KDM4C: variants seen among roughly 807,000 people sequenced by gnomAD.
KDM4C encodes the protein lysine demethylase 4C.
A neutral mutation model predicts 129.3 loss-of-function variants in KDM4C; 81 were observed. That is an observed-to-expected ratio of 0.63 (90% CI 0.52 to 0.75). The LOEUF is 0.75. Ranked by LOEUF, KDM4C falls within the 30% of genes least tolerant of loss-of-function variation. The pLI, the probability that KDM4C is intolerant of heterozygous loss-of-function variation, is 0.00. For missense variants in KDM4C, 1,457 were observed against 1,304.0 expected (o/e 1.12, Z -1.81); for synonymous variants, 573 against 456.1 (o/e 1.26, Z -3.26).
chr9:7,109,115 T>G (rs1438132690), intron 18 of KDM4C, among the ~76,000 whole-genome samples: 1 of 152,176 alleles, frequency 6.6e-6, no homozygotes, highest in Admixed American at 6.5e-5. Flanking sequence ...ATAACAAAAC[T>G]TCCCCCTGGG....
intron 8 of KDM4C, among the ~76,000 whole-genome samples, chr9:6,954,164 G>C (rs1346055346): frequency 1.3e-5 from 2 of 152,086 alleles, no homozygotes; most frequent in Non-Finnish European, 2.9e-5. Context: ...TTCGTACACA[G>C]ATACATAGGA....
intron 1 of KDM4C, chr9:6,726,661 C>G (rs930805338): frequency 6.6e-6 from 1 of 152,272 alleles, no homozygotes; most frequent in African/African-American, 2.4e-5. Flanking sequence ...GGTTACCTCC[C>G]AAGGTGCCAT....
At chr9:7,085,680 A>AT (rs1443100151) in intron 17 of KDM4C, among the ~76,000 whole-genome samples, 2 of 151,632 alleles carry the variant, frequency 1.3e-5, no homozygotes, top group African/African-American at 4.9e-5. Flanking sequence ...ATTTTAATTT[A>AT]TTTTTTCTGT....
At chr9:7,051,766 G>T (rs1830181668) in intron 17 of KDM4C, among the ~76,000 whole-genome samples, 1 of 152,118 alleles carries the variant, frequency 6.6e-6, no homozygotes, top group African/African-American at 2.4e-5. Context: ...AAAATAATAA[G>T]AATTATTTAG....
In KDM4C at chr9:6,732,280, G is replaced by A. The variant is rs576951515; in HGVS notation, c.49+11283G>A. Among the ~76,000 whole-genome samples the A allele has an allele frequency of 8.3e-5, 12 of 145,184 alleles. No individual in the cohort carries two copies. In the East Asian group the frequency reaches 1.0e-3, roughly 12 times the overall value. On this transcript the variant is annotated intron_variant, in intron 1 of 17. Coordinates refer to the KDM4C transcript ENST00000536108. ...CTCGGGAGGCTGAGGCAGGAGAATCGCTGGAACCCGGGAAGCGGAGGTTGC... is the reference window on the plus strand; with the variant it reads ...CTCGGGAGGCTGAGGCAGGAGAATCACTGGAACCCGGGAAGCGGAGGTTGC...
At chr9:6,723,055 G>A (rs1017904422) in intron 1 of KDM4C, among the ~76,000 whole-genome samples, 1 of 152,122 alleles carries the variant, frequency 6.6e-6, no homozygotes, top group Non-Finnish European at 1.5e-5. Context: ...ATTTACAGTG[G>A]TAGGATTGAA....
chr9:6,810,910 C>G (rs576732316), intron 3 of KDM4C, among the ~76,000 whole-genome samples: 3 of 152,054 alleles, frequency 2.0e-5, no homozygotes, highest in Admixed American at 1.3e-4. Flanking sequence ...GTTAATTGGT[C>G]TTTTGATTTG....
chr9:6,926,355 A>AAAAAAAAAAAAAAAAAAAAAG (rs55919503), intron 8 of KDM4C, among the ~76,000 whole-genome samples: 1 of 148,736 alleles, frequency 6.7e-6, no homozygotes, highest in Non-Finnish European at 1.5e-5. Flanking sequence ...AAAAAAAAAA[A>AAAAAAAAAAAAAAAAAAAAAG]GGACCAAAAT....
In KDM4C at chr9:6,922,401, T is replaced by C. The variant is rs545840109; in HGVS notation, c.921+29169T>C. Among the ~76,000 whole-genome samples, 154 of 149,486 alleles carry C rather than the reference T, an allele frequency of 1.0e-3. 2 individuals carry two copies. Among genetic ancestry groups the C allele is most frequent in the South Asian group, 2.3e-3 (11 of 4,708 alleles). ...TTTCTGATTACATTTACTGTTTTTT[T>C]CCCCCCCATTAAAAGAAGTAGAATT... is the stretch of plus-strand genomic sequence containing the variant. On this transcript the variant is annotated intron_variant, in intron 8 of 21. Coordinates refer to ENST00000381309, the MANE Select transcript of KDM4C (RefSeq NM_015061.6).
intron 19 of KDM4C, among the ~76,000 whole-genome samples, chr9:7,160,426 T>G (rs1843662096): frequency 6.6e-6 from 1 of 152,242 alleles, no homozygotes; most frequent in African/African-American, 2.4e-5. Flanking sequence ...TTTTAGAATT[T>G]TCAGCTTTTC....
intron 8 of KDM4C, among the ~76,000 whole-genome samples, chr9:6,944,568 T>C (rs1330613086): frequency 6.6e-6 from 1 of 150,658 alleles, no homozygotes; most frequent in Non-Finnish European, 1.5e-5. Flanking sequence ...TATAGGTTAC[T>C]TAGGGATAAA....
chr9:6,854,251 G>A (rs1839356384), intron 5 of KDM4C, among the ~76,000 whole-genome samples: 1 of 151,970 alleles, frequency 6.6e-6, no homozygotes, highest in Non-Finnish European at 1.5e-5. Flanking sequence ...ACTTTCGACT[G>A]GGTGCGGTGG....
chr9:7,052,856 A>G (rs955535828), intron 17 of KDM4C, among the ~76,000 whole-genome samples: 26 of 50,086 alleles, frequency 5.2e-4, no homozygotes, highest in Admixed American at 5.1e-3. Flanking sequence ...AGCTCTGGCC[A>G]CACCTGCAGA....
At chr9:6,972,988 A>G (rs10758816) in intron 8 of KDM4C, among the ~76,000 whole-genome samples, 48,515 of 151,978 alleles carry the variant, frequency 0.32, 8,726 homozygotes, top group East Asian at 0.71. Flanking sequence ...CTAATAACAG[A>G]GAAAATATAA....
intron 19 of KDM4C, among the ~76,000 whole-genome samples, chr9:7,132,447 T>G (rs1360562975): frequency 6.6e-6 from 1 of 152,242 alleles, no homozygotes; most frequent in Non-Finnish European, 1.5e-5. Context: ...CTAGGTACTT[T>G]ATTTCTGTGC....
intron 19 of KDM4C, among the ~76,000 whole-genome samples, chr9:7,143,704 C>A (rs535301976): frequency 2.0e-5 from 3 of 152,288 alleles, no homozygotes; most frequent in African/African-American, 7.2e-5. Context: ...AGGTTTTCAA[C>A]AACACAAGAA....
At chr9:7,057,611 G>A (rs4642706) in intron 17 of KDM4C, among the ~76,000 whole-genome samples, 10,797 of 152,154 alleles carry the variant, frequency 0.071, 517 homozygotes, top group African/African-American at 0.13. Context: ...AATATTAGCT[G>A]TTATTCTCTT....
intron 3 of KDM4C, among the ~76,000 whole-genome samples, chr9:6,812,776 C>A (rs999836556): frequency 6.6e-6 from 1 of 152,196 alleles, no homozygotes; most frequent in African/African-American, 2.4e-5. Context: ...CTTTAGTTAG[C>A]TTGCTTAGCT....
At chr9:7,157,748 C>T (rs972666061) in intron 19 of KDM4C, among the ~76,000 whole-genome samples, 4 of 152,086 alleles carry the variant, frequency 2.6e-5, no homozygotes, top group Non-Finnish European at 5.9e-5. Context: ...CTGCTGGATT[C>T]GGTTTGCCAG....
Sources: gnomAD v4.1 joint callset for allele counts (sites outside exome capture counted in the v4.1 genomes callset) on GRCh38, gnomAD v4.1.1 for gene constraint, MANE v1.5 for transcripts, NCBI Gene and HGNC (gene_info 2026-07-23, HGNC 2026-07-21) for gene names.